The following NLGN1 variants were observed in gnomAD, a reference collection of about 807,000 sequenced individuals.
NLGN1 encodes neuroligin 1.
NLGN1 carries 12 observed loss-of-function variants against 65.5 expected under a neutral mutation model. The observed-to-expected ratio is 0.18, with a 90% CI of 0.12 to 0.30. The LOEUF (loss-of-function observed/expected upper bound fraction) is 0.30. NLGN1 is among the 10% of genes least tolerant of loss of function. NLGN1 has a pLI of 1.00. For synonymous variants in NLGN1, 350 were observed against 359.5 expected (o/e 0.97, Z 0.30); for missense variants, 750 against 1,007.1 (o/e 0.74, Z 3.46).
chr3:173,604,707 T>A, exon 3 of NLGN1: 1 of 1,613,716 alleles, frequency 6.2e-7, no homozygotes, highest in Non-Finnish European at 8.5e-7. Context: ...GTTGGGATGT[T>A]TGCTTCAGGC....
At chr3:173,839,694 T>C (rs985847483) in intron 4 of NLGN1, among the ~76,000 whole-genome samples, 2 of 152,216 alleles carry the variant, frequency 1.3e-5, no homozygotes, top group African/African-American at 4.8e-5. Flanking sequence ...GTGCTGGGAT[T>C]ACAGGCGTGA....
At chr3:173,774,842 A>G (rs181926978) in intron 3 of NLGN1, among the ~76,000 whole-genome samples, 270 of 152,134 alleles carry the variant, frequency 1.8e-3, no homozygotes, top group African/African-American at 5.6e-3. Context: ...TCGCACGCAC[A>G]TTCTAGATAT....
chr3:173,873,510 CAG>C (rs1304484787), intron 4 of NLGN1, among the ~76,000 whole-genome samples: 6 of 152,094 alleles, frequency 3.9e-5, no homozygotes, highest in Non-Finnish European at 5.9e-5. Flanking sequence ...ATTTAAAAGA[CAG>C]AAGCATGTGT....
intron 2 of NLGN1, among the ~76,000 whole-genome samples, chr3:173,578,651 T>C (rs138014026): frequency 1.1e-3 from 170 of 152,336 alleles, no homozygotes; most frequent in African/African-American, 3.9e-3. Context: ...GATGGTTTCC[T>C]GATTGTGTTT....
chr3:174,158,387 C>A (rs1284002412), intron 4 of NLGN1, among the ~76,000 whole-genome samples: 2 of 151,640 alleles, frequency 1.3e-5, no homozygotes, highest in Non-Finnish European at 3.0e-5. Context: ...AGAAACCAAA[C>A]CCCAAAAGTT....
At chr3:173,960,635 A>G (rs1175478527) in intron 4 of NLGN1, among the ~76,000 whole-genome samples, 1 of 152,030 alleles carries the variant, frequency 6.6e-6, no homozygotes, top group Non-Finnish European at 1.5e-5. Flanking sequence ...TAAAACAGAT[A>G]TAGGATAATC....
intron 4 of NLGN1, among the ~76,000 whole-genome samples, chr3:174,010,189 G>A (rs184471350): frequency 6.6e-6 from 1 of 152,210 alleles, no homozygotes; most frequent in East Asian, 1.9e-4. Flanking sequence ...TACCTCTGAA[G>A]ACAAACTCTA....
intron 3 of NLGN1, among the ~76,000 whole-genome samples, chr3:173,796,791 G>A (rs13059427): frequency 0.091 from 13,808 of 152,150 alleles, 685 homozygotes; most frequent in African/African-American, 0.12. Flanking sequence ...GCTGTGGTTA[G>A]AATGTTGTTA....
chr3:173,403,716 G>T (rs1577294139), intron 1 of NLGN1, among the ~76,000 whole-genome samples: 2 of 152,082 alleles, frequency 1.3e-5, no homozygotes, highest in African/African-American at 4.8e-5. Context: ...CTTTTACTCT[G>T]CTTTATTATT....
intron 4 of NLGN1, among the ~76,000 whole-genome samples, chr3:173,965,992 A>G (rs947078527): frequency 1.2e-4 from 19 of 152,110 alleles, no homozygotes; most frequent in Admixed American, 1.1e-3. Context: ...TCTTTTAACC[A>G]GGCTTGTTGG....
chr3:173,685,728 T>C lies in NLGN1; in HGVS notation c.493+80637T>C, dbSNP rs1008169635. 2.7e-5 allele frequency: 27 copies of C among 985,266 alleles called. No homozygotes were observed. The African/African-American group carries it at 3.8e-4, about 14-fold the overall frequency. 61.0% of individuals were successfully genotyped at this position (985,266 alleles called of 1,614,324 possible). A position where few individuals can be genotyped will look rare whatever the true frequency, so the allele number is the denominator to read the frequency against. The stretch of plus-strand genomic sequence containing the variant: ...GTAAATGATCCCAAGAGTACCAAGA[T>C]TGGGTGATCCAGTGTGACTCTGAAG... On this transcript the variant is annotated intron_variant, in intron 3 of 6. Transcript: ENST00000457714.
intron 4 of NLGN1, among the ~76,000 whole-genome samples, chr3:173,836,305 T>C (rs1723618740): frequency 6.6e-6 from 1 of 152,118 alleles, no homozygotes; most frequent in East Asian, 1.9e-4. Context: ...TAAAACATAT[T>C]GGAGTTTTAA....
chr3:173,640,505 C>A (rs549701918), intron 3 of NLGN1, among the ~76,000 whole-genome samples: 1 of 152,044 alleles, frequency 6.6e-6, no homozygotes, highest in Non-Finnish European at 1.5e-5. Flanking sequence ...TACTTCAATG[C>A]GTATCTCTTA....
intron 4 of NLGN1, among the ~76,000 whole-genome samples, chr3:174,077,173 T>C (rs911037972): frequency 6.6e-6 from 1 of 151,784 alleles, no homozygotes; most frequent in Non-Finnish European, 1.5e-5. Flanking sequence ...CAGATAAAAA[T>C]ATATTTCTTT....
At chr3:174,161,884 A>G (rs554331523) in intron 4 of NLGN1, among the ~76,000 whole-genome samples, 47 of 151,916 alleles carry the variant, frequency 3.1e-4, no homozygotes, top group Middle Eastern at 3.4e-3. Context: ...GAAATCATAA[A>G]TGTCAGTTCT....
intron 3 of NLGN1, among the ~76,000 whole-genome samples, chr3:173,705,373 T>C (rs1767894726): frequency 6.6e-6 from 1 of 152,212 alleles, no homozygotes; most frequent in African/African-American, 2.4e-5. Flanking sequence ...TCTGAGTTTC[T>C]GTCTTTATTT....
chr3:173,445,261 C>G (rs1043462696), intron 2 of NLGN1, among the ~76,000 whole-genome samples: 2 of 103,624 alleles, frequency 1.9e-5, no homozygotes, highest in African/African-American at 7.6e-5. Flanking sequence ...GAGCGAGACT[C>G]CGTCTCAAAA....
chr3:174,266,042 A>ATG (rs1577691737), intron 4 of NLGN1, among the ~76,000 whole-genome samples: 2 of 124,982 alleles, frequency 1.6e-5, no homozygotes, highest in Admixed American at 8.1e-5. Flanking sequence ...GTATATATAT[A>ATG]TATATTTTTT....
At chr3:173,742,193 A>G (rs1243269862) in intron 3 of NLGN1, among the ~76,000 whole-genome samples, 1 of 152,096 alleles carries the variant, frequency 6.6e-6, no homozygotes, top group African/African-American at 2.4e-5. Flanking sequence ...TCCCTTTACA[A>G]GGCTGCAGGC....
Sources: allele counts gnomAD v4.1 joint callset (sites outside exome capture counted in the v4.1 genomes callset), GRCh38; gene constraint gnomAD v4.1.1; transcripts MANE v1.5; gene names NCBI Gene and HGNC (gene_info 2026-07-23, HGNC 2026-07-21).